The following TMEM132B variants were observed in gnomAD, a reference collection of about 807,000 sequenced individuals.
TMEM132B encodes transmembrane protein 132B.
Under a neutral mutation model 90.8 loss-of-function variants are expected in TMEM132B, and 18 were observed. That is an observed-to-expected ratio of 0.20 (90% confidence interval 0.14 to 0.29). The LOEUF is 0.29. Ranked by LOEUF, TMEM132B falls within the 10% of genes least tolerant of loss-of-function variation. The probability of loss-of-function intolerance (pLI) is 1.00; values close to 1 mark genes in which losing one functional copy is unlikely to be tolerated. For missense variants in TMEM132B, 1,096 were observed against 1,326.8 expected, an observed-to-expected ratio of 0.83 and a Z score of 2.70; for synonymous variants, 504 against 523.3, an observed-to-expected ratio of 0.96 and a Z score of 0.50.
intron 5 of TMEM132B, among the ~76,000 whole-genome samples, chr12:125,609,715 G>A (rs1398475551): frequency 6.6e-6 from 1 of 150,868 alleles, no homozygotes; most frequent in Non-Finnish European, 1.5e-5. Flanking sequence ...CACTTGGGAG[G>A]CTGAGGCAGG....
At chr12:125,325,514 G>A (rs997812821) in intron 1 of TMEM132B, among the ~76,000 whole-genome samples, 8 of 152,166 alleles carry the variant, frequency 5.3e-5, no homozygotes, top group Middle Eastern at 3.2e-3. Flanking sequence ...TTATTTGAAC[G>A]CACGGATTGT....
intron 1 of TMEM132B, among the ~76,000 whole-genome samples, chr12:125,206,810 T>A (rs935795269): frequency 1.3e-5 from 2 of 152,252 alleles, no homozygotes; most frequent in African/African-American, 4.8e-5. Flanking sequence ...GGCAGCCAGC[T>A]ACCTTCATCA....
At chr12:125,330,791 C>A (rs2136203490) in intron 1 of TMEM132B, among the ~76,000 whole-genome samples, 1 of 152,362 alleles carries the variant, frequency 6.6e-6, no homozygotes, top group East Asian at 1.9e-4. Flanking sequence ...CCTAACCAAG[C>A]TGCACTTGGG....
At position 125,379,331 on chromosome 12, in the gene TMEM132B, C is replaced by T. The variant is rs558427195; in HGVS notation, c.959+28988C>T. Among the ~76,000 whole-genome samples, 16 of 152,254 alleles carry T rather than the reference C, an allele frequency of 1.1e-4. No individual in the cohort carries two copies. The South Asian group carries it at 3.1e-3, about 30-fold the overall frequency. ...CAATGGGACGAGGGAAGCAGAAGTT[C>T]ACAATCAAAGAGAGAGCACTGAATT... is the stretch of plus-strand genomic sequence containing the variant. On this transcript the variant is annotated intron_variant, in intron 2 of 8. Coordinates refer to ENST00000682704, the MANE Select transcript of TMEM132B (RefSeq NM_001366854.1).
intron 5 of TMEM132B, among the ~76,000 whole-genome samples, chr12:125,643,746 T>G (rs1235221619): frequency 6.6e-6 from 1 of 152,172 alleles, no homozygotes; most frequent in Admixed American, 6.5e-5. Flanking sequence ...TGGGGTTTGA[T>G]TAGTGATCGT....
At chr12:125,328,394 C>T (rs1876656769) in intron 1 of TMEM132B, among the ~76,000 whole-genome samples, 2 of 152,338 alleles carry the variant, frequency 1.3e-5, no homozygotes, top group African/African-American at 4.8e-5. Flanking sequence ...GGCTATTCCA[C>T]GTGTCCTTCG....
intron 1 of TMEM132B, among the ~76,000 whole-genome samples, chr12:125,215,362 T>TG (rs1481167567): frequency 1.3e-5 from 2 of 152,224 alleles, no homozygotes; most frequent in African/African-American, 2.4e-5. Context: ...GCATTCCTTC[T>TG]GGAGTTTCTA....
chr12:125,212,351 A>AT (rs1352229184), intron 1 of TMEM132B, among the ~76,000 whole-genome samples: 4 of 152,068 alleles, frequency 2.6e-5, no homozygotes, highest in Non-Finnish European at 4.4e-5. Flanking sequence ...TAATATATAT[A>AT]TTTTTTGTAG....
At chr12:125,208,447 C>G (rs1873234509) in intron 1 of TMEM132B, among the ~76,000 whole-genome samples, 1 of 152,192 alleles carries the variant, frequency 6.6e-6, no homozygotes, top group African/African-American at 2.4e-5. Flanking sequence ...TAGCCACTCC[C>G]CACCCCCATT....
At chr12:125,483,699 T>C (rs1441812142) in intron 3 of TMEM132B, among the ~76,000 whole-genome samples, 1 of 152,168 alleles carries the variant, frequency 6.6e-6, no homozygotes, top group African/African-American at 2.4e-5. Flanking sequence ...AATGAATGAA[T>C]GGGTATCAGG....
chr12:125,286,280 C>G (rs1165349795), intron 1 of TMEM132B, among the ~76,000 whole-genome samples: 1 of 152,222 alleles, frequency 6.6e-6, no homozygotes, highest in African/African-American at 2.4e-5. Context: ...TTGGGTACAG[C>G]CTTCTTCTGC....
At chr12:125,372,738 G>A (rs1166362933) in intron 2 of TMEM132B, among the ~76,000 whole-genome samples, 4 of 152,176 alleles carry the variant, frequency 2.6e-5, no homozygotes, top group Non-Finnish European at 5.9e-5. Context: ...GTGACCGAAG[G>A]CCACAGGGCC....
chr12:125,635,431 G>A (rs542503115), intron 5 of TMEM132B, among the ~76,000 whole-genome samples: 2 of 152,108 alleles, frequency 1.3e-5, no homozygotes, highest in East Asian at 3.9e-4. Flanking sequence ...TGAGAATGAT[G>A]GTTTCTAGCT....
chr12:125,448,941 G>T (rs1881076264), intron 3 of TMEM132B, among the ~76,000 whole-genome samples: 2 of 145,238 alleles, frequency 1.4e-5, no homozygotes, highest in Admixed American at 6.9e-5. Context: ...ATCTTTTATT[G>T]TGCTTATTTG....
chr12:125,292,354 G>A (rs1216387123), intron 1 of TMEM132B, among the ~76,000 whole-genome samples: 2 of 152,214 alleles, frequency 1.3e-5, no homozygotes, highest in Non-Finnish European at 2.9e-5. Flanking sequence ...AATGTGAAAT[G>A]TTTCCATTTC....
rs751852716 is a variant in TMEM132B at position 125,490,841 on chromosome 12, C to A, written c.1107-28598C>A. On this transcript the variant is annotated intron_variant, in intron 3 of 8. Coordinates refer to ENST00000682704, the MANE Select transcript of TMEM132B (RefSeq NM_001366854.1). The surrounding 1 kb of genome is among the most constrained non-coding windows in gnomAD (Gnocchi z 4.2). ...AGTACTCTATGGTGAAAGCAATGTG[C>A]CACTTAAAAGACTAGGTCTCAAAAA... Among the ~76,000 whole-genome samples the A allele has an allele frequency of 6.6e-6, 1 of 152,190 alleles. No homozygotes were observed. Among genetic ancestry groups the A allele is most frequent in the Non-Finnish European group, 1.5e-5 (1 of 68,042 alleles).
At chr12:125,382,882 ACT>A (rs1878724969) in intron 2 of TMEM132B, among the ~76,000 whole-genome samples, 1 of 152,058 alleles carries the variant, frequency 6.6e-6, no homozygotes, top group Non-Finnish European at 1.5e-5. Context: ...ATTCTTGGTC[ACT>A]CTGTGAATTG....
At chr12:125,482,600 T>G (rs1299640844) in intron 3 of TMEM132B, among the ~76,000 whole-genome samples, 1 of 152,098 alleles carries the variant, frequency 6.6e-6, no homozygotes, top group Non-Finnish European at 1.5e-5. Flanking sequence ...AAACAATAGG[T>G]GCTGGAGAGG....
chr12:125,484,176 A>G (rs1882137029), intron 3 of TMEM132B, among the ~76,000 whole-genome samples: 1 of 152,222 alleles, frequency 6.6e-6, no homozygotes, highest in Non-Finnish European at 1.5e-5. Flanking sequence ...CTGGGATTAC[A>G]GGCATGAGCC....
Sources: gnomAD v4.1 joint callset for allele counts (sites outside exome capture counted in the v4.1 genomes callset) on GRCh38, gnomAD v4.1.1 for gene constraint, Gnocchi (gnomAD v3.1) non-coding constraint, MANE v1.5 for transcripts, NCBI Gene and HGNC (gene_info 2026-07-23, HGNC 2026-07-21) for gene names.